Variants in CCDC7 observed in about 807,000 individuals in gnomAD.
CCDC7 encodes the protein coiled-coil domain-containing protein 7.
In CCDC7, 183 loss-of-function variants were observed where a neutral mutation model predicts 196.9. That is an observed-to-expected ratio of 0.93 (90% confidence interval 0.82 to 1.05). The LOEUF (loss-of-function observed/expected upper bound fraction) is 1.05, where lower values mean the gene tolerates loss of function less well. Among genes scored for constraint, CCDC7 ranks in the 50% least tolerant of loss-of-function variants. CCDC7 has a pLI of 0.00. For missense variants in CCDC7, 1,540 were observed against 1,482.2 expected (o/e 1.04, Z -0.64); for synonymous variants, 525 against 484.6 (o/e 1.08, Z -1.10).
At chr10:32,634,283 A>G in exon 19 of CCDC7, 1 of 1,217,094 alleles carries the variant, frequency 8.2e-7, no homozygotes, top group Non-Finnish European at 1.0e-6. Flanking sequence ...TGAAAATCTT[A>G]TGGTTGAAAA....
intron 15 of CCDC7, among the ~76,000 whole-genome samples, chr10:32,568,864 A>G (rs2057218982): frequency 6.6e-6 from 1 of 152,232 alleles, no homozygotes; most frequent in Non-Finnish European, 1.5e-5. Flanking sequence ...TAGATTTCAA[A>G]TTCAGGTCTT....
At chr10:32,700,394 A>G (rs962941287) in intron 24 of CCDC7, among the ~76,000 whole-genome samples, 3 of 148,972 alleles carry the variant, frequency 2.0e-5, no homozygotes, top group Non-Finnish European at 4.4e-5. Context: ...TGAGGGCTCT[A>G]TTGTGTTCCA....
intron 18 of CCDC7, among the ~76,000 whole-genome samples, chr10:32,596,700 A>G (rs946868292): frequency 2.0e-5 from 3 of 152,056 alleles, no homozygotes; most frequent in Non-Finnish European, 2.9e-5. Flanking sequence ...TTCCTTCAGG[A>G]GCTCTTGTAA....
intron 20 of CCDC7, among the ~76,000 whole-genome samples, chr10:32,640,421 G>C (rs574769434): frequency 6.6e-6 from 1 of 152,040 alleles, no homozygotes; most frequent in Non-Finnish European, 1.5e-5. Context: ...TGAGATGGGT[G>C]TCCTGAATAC....
At chr10:32,554,260 A>G (rs1461503435) in intron 13 of CCDC7, among the ~76,000 whole-genome samples, 1 of 152,204 alleles carries the variant, frequency 6.6e-6, no homozygotes, top group East Asian at 1.9e-4. Context: ...GCTGCGAAAG[A>G]AAAGGGCTTG....
chr10:32,582,967 T>C, intron 16 of CCDC7, 67 bp from the exon 18 acceptor site: 1 of 922,242 alleles, frequency 1.1e-6, no homozygotes. Context: ...ATTATTAAAA[T>C]GATTCTTCAG....
chr10:32,583,022 A>G lies in CCDC7; in HGVS notation c.1455-12A>G. 3.3e-6 allele frequency: 4 copies of G among 1,229,502 alleles called. No individual in the cohort carries two copies. The highest frequency in any genetic ancestry group is 4.1e-6 in the Non-Finnish European group (4 of 985,806). 76.2% of individuals were successfully genotyped at this position (1,229,502 alleles called of 1,614,324 possible). On this transcript the variant is annotated splice_polypyrimidine_tract_variant and intron_variant, in intron 16 of 41. Transcript: ENST00000639629. ...CACATAATCTAATACCAGATGTTTT[A>G]TAATTCTAAAGCTCAGAGAAGAAAC...
intron 11 of CCDC7, 90 bp from the exon 13 acceptor site, chr10:32,543,210 A>C (rs1408431254): frequency 8.7e-7 from 1 of 1,148,690 alleles, no homozygotes; most frequent in Non-Finnish European, 1.1e-6. Flanking sequence ...TCTCAGAGTA[A>C]AATGTACATT....
intron 18 of CCDC7, among the ~76,000 whole-genome samples, chr10:32,594,876 A>G (rs2060154850): frequency 6.6e-6 from 1 of 152,240 alleles, no homozygotes. Flanking sequence ...ATGTTGAACC[A>G]GCCTTGCATC....
At chr10:32,867,784 C>T (rs1013360800) in intron 41 of CCDC7, among the ~76,000 whole-genome samples, 2 of 151,128 alleles carry the variant, frequency 1.3e-5, no homozygotes, top group African/African-American at 2.4e-5. Context: ...ATAAAGTTTG[C>T]CATTTTAACC....
chr10:32,497,591 G>C (rs1033474195), intron 9 of CCDC7, among the ~76,000 whole-genome samples: 1 of 152,148 alleles, frequency 6.6e-6, no homozygotes, highest in South Asian at 2.1e-4. Context: ...GGTACATTGT[G>C]TCTTTATTCT....
chr10:32,748,341 A>G (rs895705422), intron 28 of CCDC7, among the ~76,000 whole-genome samples: 8 of 151,984 alleles, frequency 5.3e-5, no homozygotes, highest in African/African-American at 1.7e-4. Context: ...AGACCTCCAC[A>G]TGTACCCAAA....
chr10:32,632,936 AT>A (rs2065076077), intron 18 of CCDC7, among the ~76,000 whole-genome samples: 1 of 152,160 alleles, frequency 6.6e-6, no homozygotes, highest in Non-Finnish European at 1.5e-5. Flanking sequence ...TTCTATGGGT[AT>A]CTGTAGACTT....
intron 31 of CCDC7, among the ~76,000 whole-genome samples, chr10:32,821,903 A>G (rs549241544): frequency 2.0e-5 from 3 of 152,172 alleles, no homozygotes; most frequent in African/African-American, 7.2e-5. Context: ...TGGCACATGT[A>G]TACATATGTA....
intron 31 of CCDC7, among the ~76,000 whole-genome samples, chr10:32,818,353 C>A (rs1402625438): frequency 6.6e-6 from 1 of 151,744 alleles, no homozygotes; most frequent in South Asian, 2.1e-4. Flanking sequence ...CCTTAGAGAC[C>A]TAGAAAGAGA....
chr10:32,573,388 T>G (rs942107165), intron 16 of CCDC7, among the ~76,000 whole-genome samples: 2 of 152,192 alleles, frequency 1.3e-5, no homozygotes, highest in Non-Finnish European at 2.9e-5. Flanking sequence ...CTTTGTACAT[T>G]GGTAAATCTC....
At chr10:32,667,842 G>A (rs1239294241) in intron 21 of CCDC7, among the ~76,000 whole-genome samples, 15 of 152,082 alleles carry the variant, frequency 9.9e-5, no homozygotes, top group Admixed American at 9.2e-4. Context: ...GGATTGACTT[G>A]GCAATGCAGG....
At chr10:32,620,703 C>T (rs995216686) in intron 18 of CCDC7, among the ~76,000 whole-genome samples, 7 of 152,138 alleles carry the variant, frequency 4.6e-5, no homozygotes, top group Non-Finnish European at 1.0e-4. Context: ...GCCAATCCAT[C>T]CTGTGTTTAG....
intron 2 of CCDC7, among the ~76,000 whole-genome samples, chr10:32,453,950 A>G (rs1372302108): frequency 6.6e-6 from 1 of 152,220 alleles, no homozygotes; most frequent in East Asian, 1.9e-4. Flanking sequence ...GAATCCAGCA[A>G]CCCAAATATT....
Sources: gnomAD v4.1 joint callset for allele counts (sites outside exome capture counted in the v4.1 genomes callset) on GRCh38, gnomAD v4.1.1 for gene constraint, MANE v1.5 for transcripts, NCBI Gene and HGNC (gene_info 2026-07-23, HGNC 2026-07-21) for gene names.